RIC3: variants seen among roughly 807,000 people sequenced by gnomAD.
RIC3 encodes the protein RIC3 acetylcholine receptor chaperone.
A neutral mutation model predicts 27.3 loss-of-function variants in RIC3; 28 were observed. The observed-to-expected ratio is 1.02, with a 90% confidence interval of 0.76 to 1.41. The LOEUF (loss-of-function observed/expected upper bound fraction) is 1.41, where lower values mean the gene tolerates loss of function less well. Among genes scored for constraint, RIC3 ranks in the 40% most tolerant of loss-of-function variants. The pLI, the probability that RIC3 is intolerant of heterozygous loss-of-function variation, is 0.00. For missense variants in RIC3, 501 were observed against 444.7 expected, an observed-to-expected ratio of 1.13 and a Z score of -1.14; for synonymous variants, 184 against 160.4, an observed-to-expected ratio of 1.15 and a Z score of -1.11.
chr11:8,130,966 T>C (rs1947616925), intron 4 of RIC3, among the ~76,000 whole-genome samples: 1 of 152,114 alleles, frequency 6.6e-6, no homozygotes, highest in African/African-American at 2.4e-5. Flanking sequence ...CTGTGCTTTT[T>C]CAAAATCAAA....
At chr11:8,099,401 CAG>C in the RIC3 span, among the ~76,000 whole-genome samples, 592 of 152,184 alleles carry the variant, frequency 3.9e-3, 3 homozygotes, top group Non-Finnish European at 5.0e-3. Context: ...TTTTTAAAAT[CAG>C]GGGTGGGTAT....
At chr11:8,102,888 C>T (rs1462821340), downstream of RIC3, 8 of 138,986 alleles carry the variant, frequency 5.8e-5, no homozygotes, top group African/African-American at 1.1e-4. Flanking sequence ...CACTGTCCCC[C>T]AAGAAACTAG....
At chr11:8,126,552 T>C in intron 5 of RIC3, 107 bp downstream of exon 5, 1 of 1,290,094 alleles carries the variant, frequency 7.8e-7, no homozygotes, top group Non-Finnish European at 1.1e-6. Flanking sequence ...CTGGTTAATA[T>C]TACTGTTTAT....
At chr11:8,100,879 C>T in the RIC3 span, 35 of 1,614,038 alleles carry the variant, frequency 2.2e-5, no homozygotes, top group East Asian at 6.7e-5. Context: ...AGAGTATCAT[C>T]GAGCTGCAAA....
intron 1 of RIC3, among the ~76,000 whole-genome samples, chr11:8,168,597 C>A (rs897788360): frequency 1.3e-5 from 2 of 152,166 alleles, no homozygotes; most frequent in African/African-American, 4.8e-5. Context: ...TGCGCCTAAA[C>A]GGGAGTACGC....
chr11:8,140,225 C>A (rs768312625), intron 1 of RIC3, 32 bp from the exon 2 acceptor site: 1 of 1,580,668 alleles, frequency 6.3e-7, no homozygotes, highest in South Asian at 1.1e-5. Context: ...TTTATCTCTT[C>A]TACTATTTTA....
At chr11:8,105,380 C>T (rs1944512263), downstream of RIC3, 2 of 152,148 alleles carry the variant, frequency 1.3e-5, no homozygotes, top group Admixed American at 6.5e-5. Context: ...TTTGTAGTAG[C>T]CACCGGTAAT....
downstream of RIC3, chr11:8,101,553 G>T (rs147880022): frequency 1.9e-6 from 3 of 1,614,240 alleles, no homozygotes; most frequent in Non-Finnish European, 2.5e-6. Flanking sequence ...ACAACTACCC[G>T]CTGTGTGCAC....
intron 1 of RIC3, among the ~76,000 whole-genome samples, chr11:8,146,741 GGGGC>G (rs992451859): frequency 2.6e-5 from 4 of 152,116 alleles, no homozygotes; most frequent in African/African-American, 9.7e-5. Flanking sequence ...GGGGTGGCAG[GGGGC>G]GGGGTGCTTC....
intron 5 of RIC3, among the ~76,000 whole-genome samples, chr11:8,114,577 G>A (rs1359063076): frequency 2.7e-5 from 4 of 146,470 alleles, no homozygotes; most frequent in Non-Finnish European, 5.9e-5. Flanking sequence ...TTGCACTCCA[G>A]CCTGGGCAAC....
the RIC3 span, among the ~76,000 whole-genome samples, chr11:8,093,523 G>A: frequency 6.6e-6 from 1 of 152,192 alleles, no homozygotes; most frequent in East Asian, 1.9e-4. Flanking sequence ...AGACCTCACT[G>A]TTGGTGCCTG....
At chr11:8,133,091 G>A (rs1410475821) in intron 4 of RIC3, among the ~76,000 whole-genome samples, 1 of 152,164 alleles carries the variant, frequency 6.6e-6, no homozygotes, top group East Asian at 1.9e-4. Flanking sequence ...ACAGATTAAT[G>A]CCATTATCTC....
At chr11:8,099,364 C>T in the RIC3 span, among the ~76,000 whole-genome samples, 1 of 152,168 alleles carries the variant, frequency 6.6e-6, no homozygotes, top group South Asian at 2.1e-4. Flanking sequence ...TAGGGGATTA[C>T]TCTACCCCTT....
chr11:8,148,769 A>AT (rs1257838686), intron 1 of RIC3, among the ~76,000 whole-genome samples: 1 of 152,212 alleles, frequency 6.6e-6, no homozygotes, highest in African/African-American at 2.4e-5. Flanking sequence ...CAAAACCAGA[A>AT]TATCTAAAAC....
chr11:8,139,865 G>C (rs1565056168), intron 2 of RIC3, 102 bp downstream of exon 2: 1 of 1,032,830 alleles, frequency 9.7e-7, no homozygotes, highest in Non-Finnish European at 1.4e-6. Context: ...TGATGGATTT[G>C]AAATAATTTT....
At chr11:8,163,782 C>T (rs1475630245) in intron 1 of RIC3, among the ~76,000 whole-genome samples, 1 of 149,462 alleles carries the variant, frequency 6.7e-6, no homozygotes, top group African/African-American at 2.5e-5. Context: ...CAAATTGCTT[C>T]AGTTCACTCT....
At chr11:8,106,017 TTTTA>T (rs1944590217), downstream of RIC3, 1 of 151,942 alleles carries the variant, frequency 6.6e-6, no homozygotes, top group South Asian at 2.1e-4. Flanking sequence ...TGGTCAGACA[TTTTA>T]TTTTTGTTCA....
At chr11:8,136,372 G>A (rs1304033622) in intron 4 of RIC3, among the ~76,000 whole-genome samples, 1 of 152,196 alleles carries the variant, frequency 6.6e-6, no homozygotes, top group Non-Finnish European at 1.5e-5. Flanking sequence ...ACTTCCTTCT[G>A]CATGGGATTC....
chr11:8,114,218 G>C (rs1945592907), intron 5 of RIC3, among the ~76,000 whole-genome samples: 1 of 152,182 alleles, frequency 6.6e-6, no homozygotes. Context: ...CAAATGCACA[G>C]ATACCAATGC....
Sources: allele counts gnomAD v4.1 joint callset (sites outside exome capture counted in the v4.1 genomes callset), GRCh38; gene constraint gnomAD v4.1.1; transcripts MANE v1.5; gene names NCBI Gene and HGNC (gene_info 2026-07-23, HGNC 2026-07-21).